Variants in ARHGAP24 observed in about 807,000 individuals in gnomAD.
ARHGAP24 encodes rho GTPase-activating protein 24.
A neutral mutation model predicts 76.4 loss-of-function variants in ARHGAP24; 50 were observed. That is an observed-to-expected ratio of 0.65 (90% CI 0.52 to 0.83). The LOEUF is 0.83. ARHGAP24 is among the 40% of genes least tolerant of loss of function. ARHGAP24 has a pLI of 0.00. For synonymous variants in ARHGAP24, 345 were observed against 323.3 expected, an observed-to-expected ratio of 1.07 and a Z score of -0.72; for missense variants, 930 against 914.2, an observed-to-expected ratio of 1.02 and a Z score of -0.22.
intron 2 of ARHGAP24, among the ~76,000 whole-genome samples, chr4:85,622,388 T>C (rs1488865714): frequency 6.6e-6 from 1 of 151,754 alleles, no homozygotes; most frequent in Admixed American, 6.6e-5. Flanking sequence ...AGAATGATGG[T>C]TTCCAGTTTC....
intron 4 of ARHGAP24, chr4:85,924,824 G>A (rs1425719176): frequency 6.6e-6 from 1 of 152,102 alleles, no homozygotes; most frequent in African/African-American, 2.4e-5. Flanking sequence ...ATATATCTAT[G>A]TTTTAATAAT....
chr4:85,676,025 G>C (rs1578131724), intron 2 of ARHGAP24, among the ~76,000 whole-genome samples: 1 of 152,238 alleles, frequency 6.6e-6, no homozygotes, highest in East Asian at 1.9e-4. Flanking sequence ...AAATGGAGAA[G>C]AAATGAAAAC....
At chr4:85,894,775 A>G (rs1734047986) in intron 3 of ARHGAP24, among the ~76,000 whole-genome samples, 1 of 151,940 alleles carries the variant, frequency 6.6e-6, no homozygotes. Context: ...AGCCTGGACA[A>G]TGTAGCAAAA....
intron 3 of ARHGAP24, among the ~76,000 whole-genome samples, chr4:85,832,105 AG>A (rs1261507620): frequency 6.6e-6 from 1 of 152,194 alleles, no homozygotes; most frequent in Admixed American, 6.5e-5. Flanking sequence ...GGGAAGCACC[AG>A]GGTCAGTCAG....
At chr4:85,686,492 C>A (rs1277626450) in intron 2 of ARHGAP24, 1 of 152,092 alleles carries the variant, frequency 6.6e-6, no homozygotes, top group Non-Finnish European at 1.5e-5. Flanking sequence ...TCCTGGGTGA[C>A]TTGTATTAGT....
At chr4:85,813,800 AAT>A (rs956044848) in intron 3 of ARHGAP24, among the ~76,000 whole-genome samples, 6 of 125,872 alleles carry the variant, frequency 4.8e-5, no homozygotes, top group Non-Finnish European at 6.5e-5. Context: ...TAGTTATATA[AAT>A]ATATATATAT....
chr4:85,844,108 C>G (rs1279529034), intron 3 of ARHGAP24, among the ~76,000 whole-genome samples: 5 of 152,146 alleles, frequency 3.3e-5, no homozygotes, highest in Non-Finnish European at 7.4e-5. Context: ...AAACTCCTCC[C>G]TGAAATACAT....
intron 4 of ARHGAP24, among the ~76,000 whole-genome samples, chr4:85,937,548 G>A (rs1004280506): frequency 5.9e-5 from 9 of 152,124 alleles, no homozygotes; most frequent in African/African-American, 2.2e-4. Flanking sequence ...ATCAGGTAAA[G>A]TAAAAACGGA....
chr4:85,984,868 G>A (rs771960636), intron 8 of ARHGAP24, among the ~76,000 whole-genome samples: 1 of 152,000 alleles, frequency 6.6e-6, no homozygotes, highest in Admixed American at 6.6e-5. Flanking sequence ...TGTCACTCAG[G>A]CTGGAAGGCA....
At chr4:85,503,389 T>G (rs1191262910) in intron 1 of ARHGAP24, among the ~76,000 whole-genome samples, 1 of 152,218 alleles carries the variant, frequency 6.6e-6, no homozygotes, top group African/African-American at 2.4e-5. Context: ...TGCCTCAATT[T>G]CAGAGCCTGT....
chr4:85,557,036 A>G (rs1726406367), intron 1 of ARHGAP24, among the ~76,000 whole-genome samples: 1 of 152,080 alleles, frequency 6.6e-6, no homozygotes, highest in African/African-American at 2.4e-5. Context: ...GTCACTGCAC[A>G]CCCTCTGGAG....
rs1304480274 is a variant in ARHGAP24 at position 85,975,070 on chromosome 4, T to G, written c.806+109T>G. 6.3e-6 allele frequency: 6 copies of G among 945,164 alleles called. No homozygotes were observed. In the East Asian group the frequency reaches 1.5e-4, roughly 23 times the overall value. The allele number at this position is 945,164 out of a possible 1,614,324, so 58.5% of individuals were successfully genotyped here. ...CACTCAACTACTTCGAGCCCTAGTG[T>G]TGGCCTCTGTAAAATTAAAAGATTG... On this transcript the variant is annotated intron_variant, in intron 7 of 9. Coordinates refer to ENST00000395184, the MANE Select transcript of ARHGAP24 (RefSeq NM_001025616.3).
intron 3 of ARHGAP24, among the ~76,000 whole-genome samples, chr4:85,758,240 T>G (rs73833240): frequency 2.9e-4 from 44 of 152,332 alleles, no homozygotes; most frequent in African/African-American, 8.7e-4. Context: ...GTATCAGTTA[T>G]CTTCCTGAAG....
chr4:85,727,826 G>A (rs1725226545), intron 3 of ARHGAP24, among the ~76,000 whole-genome samples: 2 of 152,060 alleles, frequency 1.3e-5, no homozygotes, highest in South Asian at 4.1e-4. Context: ...ATCTGACCCA[G>A]TGCCTAAAAT....
intron 2 of ARHGAP24, among the ~76,000 whole-genome samples, chr4:85,594,187 T>C (rs753657516): frequency 1.1e-4 from 17 of 152,054 alleles, no homozygotes; most frequent in Non-Finnish European, 1.9e-4. Context: ...AGTTAATTCA[T>C]AGGTATTTTA....
At chr4:85,575,797 A>T (rs889150325) in intron 2 of ARHGAP24, among the ~76,000 whole-genome samples, 2 of 152,176 alleles carry the variant, frequency 1.3e-5, no homozygotes, top group African/African-American at 4.8e-5. Flanking sequence ...TTATTACTTA[A>T]ATAAAAGCTA....
intron 3 of ARHGAP24, among the ~76,000 whole-genome samples, chr4:85,823,076 GT>G (rs1158671783): frequency 2.6e-5 from 4 of 152,090 alleles, no homozygotes; most frequent in Non-Finnish European, 4.4e-5. Context: ...ATGAACTAGA[GT>G]TACTATTTTC....
chr4:85,629,150 C>T (rs1721072731), intron 2 of ARHGAP24, among the ~76,000 whole-genome samples: 1 of 152,054 alleles, frequency 6.6e-6, no homozygotes, highest in African/African-American at 2.4e-5. Context: ...TTTGTGGTTA[C>T]CACAAGGCTT....
intron 3 of ARHGAP24, among the ~76,000 whole-genome samples, chr4:85,787,751 G>A (rs993764714): frequency 6.6e-6 from 1 of 152,134 alleles, no homozygotes; most frequent in South Asian, 2.1e-4. Context: ...TTCTTGAGGG[G>A]TGGCAGGATC....
Sources: gnomAD v4.1 joint callset for allele counts (sites outside exome capture counted in the v4.1 genomes callset) on GRCh38, gnomAD v4.1.1 for gene constraint, MANE v1.5 for transcripts, NCBI Gene and HGNC (gene_info 2026-07-23, HGNC 2026-07-21) for gene names.